LEKR1: variants seen among roughly 807,000 people sequenced by gnomAD.
LEKR1 encodes leucine, glutamate and lysine rich 1.
LEKR1 carries 59 observed loss-of-function variants against 72.4 expected under a neutral mutation model. The ratio of observed to expected loss-of-function variants is 0.82; its 90% CI spans 0.66 to 1.01. The LOEUF (loss-of-function observed/expected upper bound fraction) is 1.01, where lower values mean the gene tolerates loss of function less well. Ranked by LOEUF, LEKR1 falls within the 50% of genes least tolerant of loss-of-function variation. The probability of loss-of-function intolerance (pLI) is 0.00; values close to 1 mark genes in which losing one functional copy is unlikely to be tolerated. For missense variants in LEKR1, 728 were observed against 759.2 expected, an observed-to-expected ratio of 0.96 and a Z score of 0.48; for synonymous variants, 257 against 263.2, an observed-to-expected ratio of 0.98 and a Z score of 0.23.
chr3:156,834,452 G>A (rs1046376815), intron 2 of LEKR1, among the ~76,000 whole-genome samples: 2 of 151,968 alleles, frequency 1.3e-5, no homozygotes, highest in Admixed American at 1.3e-4. Context: ...ACTTTCCTTT[G>A]AACAAAAGCC....
intron 2 of LEKR1, among the ~76,000 whole-genome samples, chr3:156,846,450 G>GT (rs111289447): frequency 0.042 from 6,076 of 144,914 alleles, 405 homozygotes; most frequent in African/African-American, 0.14. Flanking sequence ...AAGCTGTAGG[G>GT]TTTTTTTTTT....
chr3:156,928,239 C>T lies in LEKR1; in HGVS notation c.559+635C>T, dbSNP rs1724905908. Reference sequence around the variant, plus strand: ...TGGAGACATGTCATTATACATTTGTCAAAGTTCATAGAATGTACAACATGA... The same window carrying T: ...TGGAGACATGTCATTATACATTTGTTAAAGTTCATAGAATGTACAACATGA... On this transcript the variant is annotated intron_variant, in intron 5 of 12. Coordinates refer to ENST00000356539, the MANE Select transcript of LEKR1 (RefSeq NM_001004316.3). Among the ~76,000 whole-genome samples, 3 of 152,032 alleles carry T rather than the reference C, an allele frequency of 2.0e-5. No homozygotes were observed. The South Asian group carries it at 6.2e-4, about 32-fold the overall frequency.
intron 6 of LEKR1, among the ~76,000 whole-genome samples, chr3:156,950,869 C>T (rs184733384): frequency 1.3e-5 from 2 of 151,412 alleles, no homozygotes; most frequent in East Asian, 3.9e-4. Context: ...CTTTCTCTTG[C>T]CTGATTGCTC....
At chr3:156,921,371 GT>G (rs1269420212) in intron 4 of LEKR1, among the ~76,000 whole-genome samples, 4 of 146,266 alleles carry the variant, frequency 2.7e-5, no homozygotes, top group African/African-American at 1.1e-4. Flanking sequence ...TTTTGAATAA[GT>G]TTTTGCTTTT....
chr3:156,962,600 A>T (rs1440876554), intron 6 of LEKR1, among the ~76,000 whole-genome samples: 3 of 152,124 alleles, frequency 2.0e-5, no homozygotes, highest in Non-Finnish European at 4.4e-5. Context: ...GTCGTCTAAG[A>T]TTATCTTTGT....
At chr3:156,836,009 G>A (rs1713092289) in intron 2 of LEKR1, among the ~76,000 whole-genome samples, 1 of 151,366 alleles carries the variant, frequency 6.6e-6, no homozygotes, top group Non-Finnish European at 1.5e-5. Context: ...GAGTAGCTGG[G>A]ATTACAGGCA....
intron 6 of LEKR1, 112 bp from the exon 7 acceptor site, chr3:156,979,082 G>T (rs768108751): frequency 4.7e-6 from 2 of 429,918 alleles, no homozygotes; most frequent in Non-Finnish European, 8.7e-6. Context: ...GGAATAAGCA[G>T]CTGCCTTATT....
chr3:156,959,863 A>G (rs1576900940), intron 6 of LEKR1, among the ~76,000 whole-genome samples: 1 of 152,238 alleles, frequency 6.6e-6, no homozygotes, highest in East Asian at 1.9e-4. Flanking sequence ...CTTATTTCTT[A>G]CTTTTGAATT....
chr3:156,926,758 T>A (rs1044145939), intron 4 of LEKR1, among the ~76,000 whole-genome samples: 1 of 151,970 alleles, frequency 6.6e-6, no homozygotes, highest in Admixed American at 6.6e-5. Context: ...GCAAGATAGA[T>A]ATAACCTCTG....
At chr3:157,031,778 C>T (rs1734630863) in intron 12 of LEKR1, among the ~76,000 whole-genome samples, 1 of 152,048 alleles carries the variant, frequency 6.6e-6, no homozygotes, top group Admixed American at 6.6e-5. Context: ...GAGGAAAGCC[C>T]TGTTCTCTTT....
intron 9 of LEKR1, among the ~76,000 whole-genome samples, chr3:156,999,961 A>G (rs1456019598): frequency 6.6e-6 from 1 of 152,204 alleles, no homozygotes; most frequent in African/African-American, 2.4e-5. Flanking sequence ...TCTCTTCTCT[A>G]CTGTTTGCAC....
At chr3:156,936,551 C>T (rs576491014) in intron 5 of LEKR1, among the ~76,000 whole-genome samples, 4 of 151,858 alleles carry the variant, frequency 2.6e-5, no homozygotes, top group East Asian at 1.9e-4. Flanking sequence ...TTTTTTCTAT[C>T]GTATTCGTTT....
At chr3:156,859,040 T>G (rs1560030812) in intron 3 of LEKR1, among the ~76,000 whole-genome samples, 1 of 152,194 alleles carries the variant, frequency 6.6e-6, no homozygotes, top group Admixed American at 6.5e-5. Context: ...GAGACCGTAT[T>G]AAGAGTTTAA....
At chr3:156,876,085 G>T (rs1285344711) in intron 3 of LEKR1, among the ~76,000 whole-genome samples, 1 of 151,716 alleles carries the variant, frequency 6.6e-6, no homozygotes, top group Non-Finnish European at 1.5e-5. Flanking sequence ...TTGTGGAATA[G>T]GGTGTCCTTT....
chr3:157,024,240 C>T (rs1390574468), intron 10 of LEKR1, among the ~76,000 whole-genome samples: 1 of 152,166 alleles, frequency 6.6e-6, no homozygotes, highest in East Asian at 1.9e-4. Context: ...TCTGTACGGA[C>T]ATTACTGACT....
chr3:156,898,489 C>A (rs1184496377), intron 3 of LEKR1, among the ~76,000 whole-genome samples: 1 of 152,150 alleles, frequency 6.6e-6, no homozygotes, highest in African/African-American at 2.4e-5. Flanking sequence ...ATCTGTGAAC[C>A]AGGAAGCAGG....
intron 2 of LEKR1, among the ~76,000 whole-genome samples, chr3:156,835,558 C>T (rs62273912): frequency 0.031 from 4,748 of 152,324 alleles, 108 homozygotes; most frequent in Non-Finnish European, 0.047. Flanking sequence ...GGCTACTGGG[C>T]AACCCAAAGC....
chr3:157,018,652 A>G (rs1021113182), intron 10 of LEKR1, among the ~76,000 whole-genome samples: 1 of 152,144 alleles, frequency 6.6e-6, no homozygotes, highest in African/African-American at 2.4e-5. Flanking sequence ...ACTGAGCTAT[A>G]GAGTTCACCG....
intron 3 of LEKR1, among the ~76,000 whole-genome samples, chr3:156,907,786 T>C (rs1414626434): frequency 6.6e-6 from 1 of 152,190 alleles, no homozygotes; most frequent in Non-Finnish European, 1.5e-5. Flanking sequence ...GTTATAATAC[T>C]GTTAACTAAT....
Sources: gnomAD v4.1 joint callset for allele counts (sites outside exome capture counted in the v4.1 genomes callset) on GRCh38, gnomAD v4.1.1 for gene constraint, MANE v1.5 for transcripts, NCBI Gene and HGNC (gene_info 2026-07-23, HGNC 2026-07-21) for gene names.